PRDM15: variants seen among roughly 807,000 people sequenced by gnomAD.
The protein encoded by PRDM15 is PR domain zinc finger protein 15.
PRDM15 carries 64 observed loss-of-function variants against 128.6 expected under a neutral mutation model. That is an observed-to-expected ratio of 0.50 (90% CI 0.41 to 0.61). PRDM15 has a LOEUF of 0.61. Among genes scored for constraint, PRDM15 ranks in the 20% least tolerant of loss-of-function variants. The pLI is 0.00. For synonymous variants in PRDM15, 615 were observed against 621.8 expected (o/e 0.99, Z 0.16); for missense variants, 1,242 against 1,569.1 (o/e 0.79, Z 3.52).
rs1291171162 is a variant in PRDM15, at chr21:41,806,492, CCAT to C, written c.2653-1881_2653-1879del. Among the ~76,000 whole-genome samples, 10 of 96,748 alleles carry C rather than the reference CCAT, an allele frequency of 1.0e-4. 1 individual carries two copies. The highest frequency in any genetic ancestry group is 1.2e-4 in the Non-Finnish European group (6 of 49,102). The allele number at this position is 96,748 out of a possible 152,430, so 63.5% of individuals were successfully genotyped here. A position where few individuals can be genotyped will look rare whatever the true frequency, so the allele number is the denominator to read the frequency against. The stretch of plus-strand genomic sequence containing the variant: ...CCAGCACCACCCATTACTACCACCA[CCAT>C]CACCACCATCACCATCACCACCACC... On this transcript the variant is annotated intron_variant, in intron 21 of 23. Coordinates refer to ENST00000398548, the MANE Select transcript of PRDM15 (RefSeq NM_001040424.3).
intron 18 of PRDM15, among the ~76,000 whole-genome samples, chr21:41,818,577 C>CT (rs756874385): frequency 6.6e-5 from 10 of 152,274 alleles, no homozygotes; most frequent in Non-Finnish European, 1.0e-4. Flanking sequence ...GAAAGACCCC[C>CT]TTTCTGGCCT....
chr21:41,815,736 G>T lies in PRDM15; in HGVS notation c.2361C>A (p.Val787=). The T allele has an allele frequency of 6.2e-7, 1 of 1,613,984 alleles. No homozygotes were observed. The highest frequency in any genetic ancestry group is 1.1e-5 in the South Asian group (1 of 91,064). Residue 787 remains valine (V), a synonymous_variant, in exon 19 of 24, where the codon GTC becomes GTA. Transcript: ENST00000398548. Reference sequence around the variant, plus strand: ...GCCGCTTGCAGTGCTTGAGCATGTTGACCTTCTGCGCGAACCTGCGGTGGC... The same window carrying T: ...GCCGCTTGCAGTGCTTGAGCATGTTTACCTTCTGCGCGAACCTGCGGTGGC... ...KECHRRFAQK[V]NMLKHCKRHT...
intron 11 of PRDM15, among the ~76,000 whole-genome samples, chr21:41,834,353 G>A (rs975416321): frequency 7.9e-5 from 12 of 152,162 alleles, no homozygotes; most frequent in African/African-American, 2.7e-4. Context: ...GCCCATGTGC[G>A]ACAGCCCTGG....
intron 1 of PRDM15, among the ~76,000 whole-genome samples, chr21:41,864,673 A>T (rs903860437): frequency 2.0e-5 from 3 of 151,926 alleles, no homozygotes; most frequent in African/African-American, 4.8e-5. Flanking sequence ...CCCACCTGTA[A>T]GGCTGCAAAG....
intron 18 of PRDM15, among the ~76,000 whole-genome samples, chr21:41,816,733 C>A (rs574230178): frequency 5.9e-4 from 90 of 152,268 alleles, no homozygotes; most frequent in African/African-American, 7.2e-4. Flanking sequence ...GAAAACTGCG[C>A]GGCTGGGCCA....
At chr21:41,877,548 G>C (rs1434234489) in intron 1 of PRDM15, 1 of 152,192 alleles carries the variant, frequency 6.6e-6, no homozygotes, top group African/African-American at 2.4e-5. Flanking sequence ...CCAACCTCTT[G>C]AGCGCACGGG....
At chr21:41,833,141 G>A (rs903351936) in intron 11 of PRDM15, among the ~76,000 whole-genome samples, 2 of 152,204 alleles carry the variant, frequency 1.3e-5, no homozygotes, top group Non-Finnish European at 2.9e-5. Context: ...CATTTTGCCT[G>A]AGGGCCTGGA....
intron 1 of PRDM15, chr21:41,878,949 G>C (rs1013855103): frequency 1.0e-6 from 1 of 967,138 alleles, no homozygotes; most frequent in African/African-American, 1.8e-5. Context: ...CGCGAGGCAG[G>C]GGACGGGGGC....
At chr21:41,833,152 C>T (rs534854138) in intron 11 of PRDM15, among the ~76,000 whole-genome samples, 3 of 152,270 alleles carry the variant, frequency 2.0e-5, no homozygotes, top group South Asian at 4.2e-4. Context: ...AGGGCCTGGA[C>T]GTGAGCCTTT....
rs2061413346 is a variant in PRDM15, at chr21:41,801,424, A to G, written c.3242T>C (p.Leu1081Pro). The G allele has an allele frequency of 1.2e-6, 2 of 1,614,116 alleles. No homozygotes were observed. Among genetic ancestry groups the G allele is most frequent in the Non-Finnish European group, 1.7e-6 (2 of 1,179,980 alleles). ...CGTGATGGAGTTGACCAGGGTCGTC[A>G]GGTTGATGAAATGGGCCACAGACTG... ...NPQSVAHFINLTTLVNSITPL... is the reference protein window; with the variant it reads ...NPQSVAHFINPTTLVNSITPL... The change falls in exon 24 of 24, where the codon CTG (leucine) becomes CCG (proline). Residue 1081 changes from leucine to proline, a missense_variant. By Grantham distance (98) the Leu-to-Pro change is moderately conservative (BLOSUM62 -3). Around this residue, in one of 3 missense-constraint regions of PRDM15, gnomAD observed 602 missense variants for 788.3 expected, o/e 0.76. Transcript: ENST00000398548.
At chr21:41,829,806 T>C (rs1472180956) in intron 11 of PRDM15, among the ~76,000 whole-genome samples, 3 of 146,738 alleles carry the variant, frequency 2.0e-5, no homozygotes, top group Admixed American at 6.8e-5. Context: ...ACACTCAACA[T>C]ACACCACACA....
intron 5 of PRDM15, among the ~76,000 whole-genome samples, chr21:41,848,566 CA>C (rs2146727952): frequency 6.6e-6 from 1 of 152,350 alleles, no homozygotes; most frequent in Admixed American, 6.5e-5. Flanking sequence ...ATTTCCCACT[CA>C]CCTTCCCAAA....
At chr21:41,830,003 C>T (rs1777107027) in intron 11 of PRDM15, among the ~76,000 whole-genome samples, 1 of 151,618 alleles carries the variant, frequency 6.6e-6, no homozygotes, top group Non-Finnish European at 1.5e-5. Context: ...ACATACTACA[C>T]AAACACACAT....
Position 41,798,403 on chromosome 21 carries a change from G to A in PRDM15, c.*2837C>T, listed in dbSNP as rs1051873909. 2 of 152,246 alleles carry A rather than the reference G, an allele frequency of 1.3e-5. No individual in the cohort carries two copies. Among genetic ancestry groups the A allele is most frequent in the African/African-American group, 2.4e-5 (1 of 41,446 alleles). The allele number at this position is 152,246 out of a possible 1,614,324, so 9.4% of individuals were successfully genotyped here. A position where few individuals can be genotyped will look rare whatever the true frequency, so the allele number is the denominator to read the frequency against. The stretch of plus-strand genomic sequence containing the variant: ...GCCTTTGGATGCCACAAATGGGAAC[G>A]ATAGAGGTACAGGAGGTCTGCCTTC... On this transcript the variant is annotated 3_prime_UTR_variant, in exon 24 of 24. Transcript: ENST00000398548.
At chr21:41,878,503 G>A (rs1235789118) in intron 1 of PRDM15, among the ~76,000 whole-genome samples, 1 of 152,120 alleles carries the variant, frequency 6.6e-6, no homozygotes, top group East Asian at 1.9e-4. Context: ...CTAGCAGGAC[G>A]CTGCGCGTGG....
In PRDM15 at chr21:41,810,886, T is replaced by C. The variant is rs1439024639; in HGVS notation, c.2393-50A>G. 5 of 1,547,396 alleles carry C rather than the reference T, an allele frequency of 3.2e-6. No individual in the cohort carries two copies. Among genetic ancestry groups the C allele is most frequent in the African/African-American group, 1.4e-5 (1 of 73,526 alleles). On this transcript the variant is annotated intron_variant, in intron 19 of 23. Coordinates refer to ENST00000398548, the MANE Select transcript of PRDM15 (RefSeq NM_001040424.3). This position sits in a 1 kb window ranked among gnomAD's most constrained non-coding sequence, Gnocchi z 6.4. ...TCCTACGTTTAATGAGTGTTGTAAG[T>C]CCACATCAGGGCATGTCTTCTCCCT...
In PRDM15 at chr21:41,810,705, C is replaced by A. The variant is rs754843038; in HGVS notation, c.2476+48G>T. ...CCAGCAGGCACTCAGACAGCCCCGG[C>A]AGCCTGCCGCGTGCGCCCCGAAGGC... On this transcript the variant is annotated intron_variant, in intron 20 of 23. Coordinates refer to ENST00000398548, the MANE Select transcript of PRDM15 (RefSeq NM_001040424.3). This position sits in a 1 kb window ranked among gnomAD's most constrained non-coding sequence, Gnocchi z 6.4. 37 of 1,479,802 alleles carry A rather than the reference C, an allele frequency of 2.5e-5. No homozygotes were observed. In the Middle Eastern group the frequency reaches 5.4e-4, roughly 22 times the overall value. The allele number at this position is 1,479,802 out of a possible 1,614,324, so 91.7% of individuals were successfully genotyped here.
chr21:41,867,033 G>A (rs935850812), intron 1 of PRDM15, among the ~76,000 whole-genome samples: 1 of 152,184 alleles, frequency 6.6e-6, no homozygotes, highest in Non-Finnish European at 1.5e-5. Context: ...CAACCTGCTC[G>A]CCTAGCAGGG....
At chr21:41,823,275 C>A in intron 14 of PRDM15, 43 bp downstream of exon 14, 1 of 1,598,156 alleles carries the variant, frequency 6.3e-7, no homozygotes, top group East Asian at 2.3e-5. Flanking sequence ...GCCTGGGGGC[C>A]TGCCGTGAGC....
Sources: gnomAD v4.1 joint callset for allele counts (sites outside exome capture counted in the v4.1 genomes callset) on GRCh38, gnomAD v4.1.1 for gene constraint, gnomAD v4.1.1 regional missense constraint, Gnocchi (gnomAD v3.1) non-coding constraint, MANE v1.5 for transcripts, NCBI Gene and HGNC (gene_info 2026-07-23, HGNC 2026-07-21) for gene names.